The following LMNB2 variants were observed in gnomAD, a reference collection of about 807,000 sequenced individuals.
LMNB2 encodes the protein lamin B2, also known as lamin-B2.
Under a neutral mutation model 69.3 loss-of-function variants are expected in LMNB2, and 17 were observed. The ratio of observed to expected loss-of-function variants is 0.25; its 90% CI spans 0.17 to 0.37. The LOEUF is 0.37. Ranked by LOEUF, LMNB2 falls within the 10% of genes least tolerant of loss-of-function variation. LMNB2 has a pLI of 1.00. For missense variants in LMNB2, 789 were observed against 883.6 expected, an observed-to-expected ratio of 0.89 and a Z score of 1.36; for synonymous variants, 397 against 389.3, an observed-to-expected ratio of 1.02 and a Z score of -0.23.
In LMNB2 at chr19:2,428,370, C is replaced by T. The variant is rs1314096545; in HGVS notation, c.*2541G>A. 6.6e-6 allele frequency: 1 copy of T among 152,286 alleles called. No homozygotes were observed. Among genetic ancestry groups the T allele is most frequent in the Non-Finnish European group, 1.5e-5 (1 of 68,066 alleles). The allele number at this position is 152,286 out of a possible 1,614,324, so 9.4% of individuals were successfully genotyped here. A position where few individuals can be genotyped will look rare whatever the true frequency, so the allele number is the denominator to read the frequency against. On this transcript the variant is annotated 3_prime_UTR_variant, in exon 12 of 12. Coordinates refer to ENST00000325327, the MANE Select transcript of LMNB2 (RefSeq NM_032737.4). ...GCTGTGACGCTCGCTGGACGCAGGG[C>T]TTGGAAGAGGCTGCAGGCGGCGACG...
chr19:2,444,807 G>A (rs1037859703), intron 1 of LMNB2, among the ~76,000 whole-genome samples: 3 of 152,184 alleles, frequency 2.0e-5, no homozygotes, highest in East Asian at 3.8e-4. Flanking sequence ...CCTCTGCTGC[G>A]GCCCCCTCTG....
rs531620940 is a variant in LMNB2, at chr19:2,437,390, C to T, written c.684+773G>A. ...GGTGGCACCCAGAAGATGCACCTGA[C>T]GCCTGCCTCATGGTCTAGCAGTTAG... On this transcript the variant is annotated intron_variant, in intron 4 of 11. Coordinates refer to ENST00000325327, the MANE Select transcript of LMNB2 (RefSeq NM_032737.4). Among the ~76,000 whole-genome samples, 5 of 152,346 alleles carry T rather than the reference C, an allele frequency of 3.3e-5. No individual in the cohort carries two copies. The South Asian group carries it at 8.3e-4, about 25-fold the overall frequency.
chr19:2,431,531 G>A lies in LMNB2; in HGVS notation c.1821+17C>T. On this transcript the variant is annotated intron_variant, in intron 11 of 11. Transcript: ENST00000325327. ...CAGAGGCTGCCCCCCAGCCGCAAGT[G>A]GGCACAGGGGTCCTACCTGTTGGTG... is the stretch of plus-strand genomic sequence containing the variant. 1.2e-6 allele frequency: 2 copies of A among 1,613,862 alleles called. No homozygotes were observed. The highest frequency in any genetic ancestry group is 1.7e-6 in the Non-Finnish European group (2 of 1,179,810).
chr19:2,449,733 C>T (rs1012257185), intron 1 of LMNB2, among the ~76,000 whole-genome samples: 1 of 151,820 alleles, frequency 6.6e-6, no homozygotes, highest in Non-Finnish European at 1.5e-5. Context: ...GCTGAGATCA[C>T]GCCACTACGC....
At chr19:2,451,716 G>T (rs768510455) in intron 1 of LMNB2, among the ~76,000 whole-genome samples, 6 of 152,068 alleles carry the variant, frequency 3.9e-5, no homozygotes, top group Admixed American at 6.6e-5. Context: ...GCCTGAGATG[G>T]CCTTTGCCTG....
At chr19:2,454,784 A>G (rs1442979593) in intron 1 of LMNB2, among the ~76,000 whole-genome samples, 2 of 152,048 alleles carry the variant, frequency 1.3e-5, no homozygotes, top group Admixed American at 6.5e-5. Flanking sequence ...CCCGTTCTGG[A>G]GTCCTGTCCT....
rs1365379023 is a variant in LMNB2, at chr19:2,456,907, A to T, written c.27T>A (p.Arg9=). 2.0e-6 allele frequency: 2 copies of T among 1,004,164 alleles called. No homozygotes were observed. Among genetic ancestry groups the T allele is most frequent in the Non-Finnish European group, 2.4e-6 (2 of 845,486 alleles). The allele number at this position is 1,004,164 out of a possible 1,614,324, so 62.2% of individuals were successfully genotyped here. Residue 9 remains arginine (R), a synonymous_variant, in exon 1 of 12, where the codon CGT becomes CGA. Coordinates refer to ENST00000325327, the MANE Select transcript of LMNB2 (RefSeq NM_032737.4). MSPPSPGR[R]REQRRPRAAA... Reference sequence around the variant, plus strand: ...CGGCTCGCGGCCTGCGCTGCTCCCGACGGCGGCCCGGGCTCGGCGGGCTCA... The same window carrying T: ...CGGCTCGCGGCCTGCGCTGCTCCCGTCGGCGGCCCGGGCTCGGCGGGCTCA...
chr19:2,455,715 T>C (rs921683722), intron 1 of LMNB2, among the ~76,000 whole-genome samples: 2 of 150,656 alleles, frequency 1.3e-5, no homozygotes, highest in Non-Finnish European at 3.0e-5. Context: ...CCCAAGAGAA[T>C]GGGCCACTCC....
intron 1 of LMNB2, among the ~76,000 whole-genome samples, chr19:2,448,657 T>G (rs969382163): frequency 1.3e-5 from 2 of 152,016 alleles, no homozygotes; most frequent in Admixed American, 6.6e-5. Flanking sequence ...ACCATCCTTG[T>G]TAACACGGTG....
chr19:2,431,678 G>A lies in LMNB2; in HGVS notation c.1711-20C>T, dbSNP rs1472612524. On this transcript the variant is annotated intron_variant, in intron 10 of 11. Coordinates refer to ENST00000325327, the MANE Select transcript of LMNB2 (RefSeq NM_032737.4). ...CACTTCCTGTGCGGGACAGGACACG[G>A]CGGCATGTCCCGGGATCGGGCCCAG... is the stretch of plus-strand genomic sequence containing the variant. 1.2e-6 allele frequency: 2 copies of A among 1,613,950 alleles called. No homozygotes were observed. Among genetic ancestry groups the A allele is most frequent in the South Asian group, 2.2e-5 (2 of 91,092 alleles).
chr19:2,452,191 C>T (rs918668832), intron 1 of LMNB2, among the ~76,000 whole-genome samples: 1 of 152,166 alleles, frequency 6.6e-6, no homozygotes, highest in South Asian at 2.1e-4. Flanking sequence ...AAGACACCCC[C>T]TAGTGTCACA....
intron 1 of LMNB2, among the ~76,000 whole-genome samples, chr19:2,452,712 T>C: frequency 6.6e-6 from 1 of 151,540 alleles, no homozygotes; most frequent in East Asian, 1.9e-4. Flanking sequence ...GGCGACAGAG[T>C]GAGACTCTAT....
Position 2,431,569 on chromosome 19 carries a change from C to T in LMNB2, c.1800G>A (p.Glu600=). 3 of 1,614,136 alleles carry T rather than the reference C, an allele frequency of 1.9e-6. No homozygotes were observed. The highest frequency in any genetic ancestry group is 2.5e-6 in the Non-Finnish European group (3 of 1,179,970). The change falls in exon 11 of 12, where the codon GAG becomes GAA. Residue 600 remains glutamate (E), a synonymous_variant. Coordinates refer to ENST00000325327, the MANE Select transcript of LMNB2 (RefSeq NM_032737.4). Reference sequence around the variant, plus strand: ...CTACCTGTTGGTGGAAAAGATCCTCCTCGCCAAACTCGGCTTCCTCCTCCT... The same window carrying T: ...CTACCTGTTGGTGGAAAAGATCCTCTTCGCCAAACTCGGCTTCCTCCTCCT... The part of the protein sequence containing the change: ...EEEEEEAEFG[E]EDLFHQQGDP...
chr19:2,454,310 A>G (rs528067133), intron 1 of LMNB2, among the ~76,000 whole-genome samples: 144 of 151,174 alleles, frequency 9.5e-4, no homozygotes, highest in African/African-American at 3.1e-3. Flanking sequence ...AAAAAAAAAA[A>G]AAAGAAAGAA....
chr19:2,454,292 C>CAAAAAAAAAAA (rs58800585), intron 1 of LMNB2, among the ~76,000 whole-genome samples: 1 of 80,990 alleles, frequency 1.2e-5, no homozygotes, highest in Non-Finnish European at 2.5e-5. Context: ...GACTCTATCT[C>CAAAAAAAAAAA]AAAAAAAAAA....
chr19:2,431,776 C>T lies in LMNB2; in HGVS notation c.1710+7G>A, dbSNP rs144445359. The T allele has an allele frequency of 5.0e-6, 8 of 1,613,890 alleles. No homozygotes were observed. The African/African-American group carries it at 9.3e-5, about 19-fold the overall frequency. ...AGCCGAGCACCCCCCAAGCCACACA[C>T]ACCCACCTCGCCATCCGCGTTAACC... is the stretch of plus-strand genomic sequence containing the variant. On this transcript the variant is annotated splice_region_variant and intron_variant, in intron 10 of 11. Coordinates refer to ENST00000325327, the MANE Select transcript of LMNB2 (RefSeq NM_032737.4).
intron 1 of LMNB2, among the ~76,000 whole-genome samples, chr19:2,446,882 T>C (rs1271583982): frequency 6.6e-6 from 1 of 152,126 alleles, no homozygotes; most frequent in Non-Finnish European, 1.5e-5. Context: ...GGCTCACACC[T>C]GTAATCCCAG....
At chr19:2,444,043 C>G (rs1017602864) in intron 2 of LMNB2, among the ~76,000 whole-genome samples, 1 of 152,158 alleles carries the variant, frequency 6.6e-6, no homozygotes, top group Non-Finnish European at 1.5e-5. Context: ...AGGTCAAACG[C>G]GTCTCACGGT....
rs771012107 is a variant in LMNB2, at chr19:2,434,391, T to C, written c.1106A>G (p.Gln369Arg). The C allele has an allele frequency of 1.2e-6, 2 of 1,613,408 alleles. No individual in the cohort carries two copies. Among genetic ancestry groups the C allele is most frequent in the Admixed American group, 3.3e-5 (2 of 60,028 alleles). The stretch of plus-strand genomic sequence containing the variant: ...CAGCTCCTGGTACTCGGCCAGCTGC[T>C]GCTGCATCACGTCCCGCATCTCCGT... ...EMTEMRDVMQQQLAEYQELLD... is the reference protein window; with the variant it reads ...EMTEMRDVMQRQLAEYQELLD... Residue 369 changes from glutamine to arginine, a missense_variant, in exon 7 of 12, where the codon CAG becomes CGG. By Grantham distance (43) the Gln-to-Arg change is conservative. This residue lies in a region of LMNB2 where 609 missense variants were observed against 630.9 expected (regional missense o/e 0.97). Transcript: ENST00000325327.
Sources: allele counts gnomAD v4.1 joint callset (sites outside exome capture counted in the v4.1 genomes callset), GRCh38; gene constraint gnomAD v4.1.1; regional missense constraint gnomAD v4.1.1; transcripts MANE v1.5; gene names NCBI Gene and HGNC (gene_info 2026-07-23, HGNC 2026-07-21).